The following LONP1 variants were observed in gnomAD, a reference collection of about 807,000 sequenced individuals.
LONP1 encodes lon peptidase 1, mitochondrial.
LONP1 carries 31 observed loss-of-function variants against 98.5 expected under a neutral mutation model. The observed-to-expected ratio is 0.31, with a 90% CI of 0.24 to 0.42. The LOEUF (loss-of-function observed/expected upper bound fraction) is 0.42, where lower values mean the gene tolerates loss of function less well. Ranked by LOEUF, LONP1 falls within the 20% of genes least tolerant of loss-of-function variation. The pLI is 1.00. For synonymous variants in LONP1, 781 were observed against 594.7 expected (o/e 1.31, Z -4.56); for missense variants, 1,336 against 1,350.6 (o/e 0.99, Z 0.17).
rs2055198751 is a variant in LONP1, at chr19:5,709,291, C to T, written c.871-888G>A. 2.6e-5 allele frequency among the ~76,000 whole-genome samples: 4 copies of T among 151,528 alleles called. No individual in the cohort carries two copies. The South Asian group carries it at 8.3e-4, about 32-fold the overall frequency. On this transcript the variant is annotated intron_variant, in intron 4 of 17. Transcript: ENST00000360614. ...GTCACTTGAGGCCAGGAGCTCAAGA[C>T]CAGCCTGGCCAACACGGTGAAACCC...
rs1412660156 is a variant in LONP1 at position 5,692,101 on chromosome 19, T to C, written c.2811A>G (p.Glu937=). ...CGATGTCGAAGATCTCCCGGTAGTG[T>C]TCCACGAAGTGCACCTCCAGGCCCT... ...ITEGLEVHFV[E]HYREIFDIAF... is the part of the protein sequence containing the mutation. The change falls in exon 18 of 18, where the codon GAA becomes GAG. Residue 937 remains glutamate (E), a synonymous_variant. Transcript: ENST00000360614. The C allele has an allele frequency of 6.2e-7, 1 of 1,603,972 alleles. No individual in the cohort carries two copies. The highest frequency in any genetic ancestry group is 1.1e-5 in the South Asian group (1 of 90,468).
At chr19:5,704,511 TCCCTCTAAGCGCTGTCCTACGGCCTG>T (rs937654955) in intron 8 of LONP1, among the ~76,000 whole-genome samples, 1 of 152,090 alleles carries the variant, frequency 6.6e-6, no homozygotes, top group Admixed American at 6.6e-5. Flanking sequence ...ACTCATGCCT[TCCCTCTAAGCGCTGTCCTACGGCCTG>T]CCCAGCCCTG....
At chr19:5,717,985 A>C (rs965998090) in intron 1 of LONP1, among the ~76,000 whole-genome samples, 15 of 151,334 alleles carry the variant, frequency 9.9e-5, no homozygotes, top group Non-Finnish European at 1.9e-4. Context: ...GCTGGGATTA[A>C]ACATGTGAGA....
At position 5,712,018 on chromosome 19, in the gene LONP1, G is replaced by A. The variant is rs1349258386; in HGVS notation, c.639-16C>T. 2 of 1,602,708 alleles carry A rather than the reference G, an allele frequency of 1.2e-6. No homozygotes were observed. The highest frequency in any genetic ancestry group is 1.7e-6 in the Non-Finnish European group (2 of 1,172,426). On this transcript the variant is annotated splice_polypyrimidine_tract_variant and intron_variant, in intron 3 of 17. Coordinates refer to ENST00000360614, the MANE Select transcript of LONP1 (RefSeq NM_004793.4). ...GATATGGACTCTGACACGGGAGCAA[G>A]GCAGGTGTGAATCAGCCGCTGAGGC...
At chr19:5,707,271 C>G (rs1006758240) in intron 6 of LONP1, 128 bp from the exon 7 acceptor site, 4 of 730,228 alleles carry the variant, frequency 5.5e-6, no homozygotes, top group African/African-American at 1.7e-5. Context: ...GTACCCAGCA[C>G]AGAGGCATGT....
chr19:5,695,552 A>AGG (rs2054910512), intron 13 of LONP1, among the ~76,000 whole-genome samples: 1 of 152,184 alleles, frequency 6.6e-6, no homozygotes, highest in African/African-American at 2.4e-5. Flanking sequence ...GAGGGCCTCA[A>AGG]GGGCAGGGAC....
intron 1 of LONP1, among the ~76,000 whole-genome samples, chr19:5,716,679 G>A (rs1365339900): frequency 1.3e-5 from 2 of 152,032 alleles, no homozygotes; most frequent in Non-Finnish European, 2.9e-5. Context: ...GTACTGTAAG[G>A]AAAAATTAGC....
chr19:5,700,041 C>T (rs2055012708), intron 9 of LONP1, among the ~76,000 whole-genome samples: 1 of 152,140 alleles, frequency 6.6e-6, no homozygotes, highest in Admixed American at 6.5e-5. Flanking sequence ...CGGGCTCAAG[C>T]AGTCCTCCCA....
Position 5,713,245 on chromosome 19 carries a change from G to C in LONP1, c.527C>G (p.Ser176Trp). Residue 176 changes from serine to tryptophan, a missense_variant, in exon 3 of 18, where the codon TCG becomes TGG. Transcript: ENST00000360614. The part of the protein sequence containing the change: ...VFLKRDDSNE[S>W]DVVESLDEIY... Reference sequence around the variant, plus strand: ...TTCATCCAGGCTCTCGACCACATCCGACTCATTGCTGTGGGAGAAGAGCAC... The same window carrying C: ...TTCATCCAGGCTCTCGACCACATCCCACTCATTGCTGTGGGAGAAGAGCAC... 1.2e-6 allele frequency: 2 copies of C among 1,613,480 alleles called. No homozygotes were observed. The highest frequency in any genetic ancestry group is 1.7e-6 in the Non-Finnish European group (2 of 1,179,610).
chr19:5,719,165 G>C (rs1373281675), intron 1 of LONP1, among the ~76,000 whole-genome samples: 1 of 152,156 alleles, frequency 6.6e-6, no homozygotes, highest in African/African-American at 2.4e-5. Flanking sequence ...GAGTAGCTGG[G>C]AGTACAGCGC....
chr19:5,707,399 G>C (rs930420538), intron 6 of LONP1, among the ~76,000 whole-genome samples: 5 of 152,210 alleles, frequency 3.3e-5, no homozygotes, highest in African/African-American at 9.7e-5. Flanking sequence ...GCAAAAGACT[G>C]GCAACGCCCC....
intron 9 of LONP1, among the ~76,000 whole-genome samples, chr19:5,700,330 C>T (rs1181088256): frequency 2.0e-5 from 3 of 152,330 alleles, no homozygotes; most frequent in African/African-American, 7.2e-5. Flanking sequence ...TCAGGCTGGT[C>T]TTCAACTCCC....
chr19:5,706,740 TGC>T (rs1344368993), intron 7 of LONP1, among the ~76,000 whole-genome samples: 1 of 152,212 alleles, frequency 6.6e-6, no homozygotes, highest in Non-Finnish European at 1.5e-5. Context: ...TTTCCCAGGC[TGC>T]TTTCCAATTT....
chr19:5,711,635 A>G lies in LONP1; in HGVS notation c.870+136T>C, dbSNP rs1291194150. 4 of 681,502 alleles carry G rather than the reference A, an allele frequency of 5.9e-6. No individual in the cohort carries two copies. In the African/African-American group the frequency reaches 7.2e-5, roughly 12 times the overall value. 42.2% of individuals were successfully genotyped at this position (681,502 alleles called of 1,614,324 possible). A position where few individuals can be genotyped will look rare whatever the true frequency, so the allele number is the denominator to read the frequency against. On this transcript the variant is annotated intron_variant, in intron 4 of 17. Transcript: ENST00000360614. ...AAAGCACCCTCTATGTTCCATTAGA[A>G]TTGAGTTCCAGACAGGCCAGACCCT...
chr19:5,699,555 GTTTTT>G (rs35759031), intron 9 of LONP1, among the ~76,000 whole-genome samples: 5 of 118,556 alleles, frequency 4.2e-5, no homozygotes, highest in Non-Finnish European at 8.6e-5. Context: ...TCTGGCTCCT[GTTTTT>G]TTTTTTTTTT....
At chr19:5,710,386 G>T (rs929550847) in intron 4 of LONP1, among the ~76,000 whole-genome samples, 1 of 151,478 alleles carries the variant, frequency 6.6e-6, no homozygotes, top group African/African-American at 2.4e-5. Flanking sequence ...CACCGTGCCC[G>T]GCCTGAATTT....
intron 8 of LONP1, among the ~76,000 whole-genome samples, chr19:5,701,827 G>A (rs2055050287): frequency 6.6e-6 from 1 of 150,376 alleles, no homozygotes; most frequent in Non-Finnish European, 1.5e-5. Context: ...CTGCCTGGCT[G>A]CCCAGTCTGG....
chr19:5,702,976 C>T (rs1158111883), intron 8 of LONP1, among the ~76,000 whole-genome samples: 1 of 148,478 alleles, frequency 6.7e-6, no homozygotes, highest in Non-Finnish European at 1.5e-5. Flanking sequence ...ATGACCCTGC[C>T]AAATCCCCCT....
intron 17 of LONP1, among the ~76,000 whole-genome samples, chr19:5,692,505 A>G (rs1054628974): frequency 1.3e-5 from 2 of 151,944 alleles, no homozygotes; most frequent in Admixed American, 1.3e-4. Flanking sequence ...TGAGCCACAC[A>G]CCCACGGCCT....
Sources: gnomAD v4.1 joint callset for allele counts (sites outside exome capture counted in the v4.1 genomes callset) on GRCh38, gnomAD v4.1.1 for gene constraint, MANE v1.5 for transcripts, NCBI Gene and HGNC (gene_info 2026-07-23, HGNC 2026-07-21) for gene names.